Variants in NCOA2 observed in about 807,000 individuals in gnomAD.
The protein encoded by NCOA2 is nuclear receptor coactivator 2.
Under a neutral mutation model 145.1 loss-of-function variants are expected in NCOA2, and 21 were observed. The ratio of observed to expected loss-of-function variants is 0.14; its 90% CI spans 0.10 to 0.21. The LOEUF is 0.21. NCOA2 is among the 10% of genes least tolerant of loss of function. NCOA2 has a pLI of 1.00. For synonymous variants in NCOA2, 619 were observed against 637.5 expected (o/e 0.97, Z 0.44); for missense variants, 1,472 against 1,837.6 (o/e 0.80, Z 3.64).
At chr8:70,221,296 G>A (rs1820113664) in intron 2 of NCOA2, among the ~76,000 whole-genome samples, 1 of 152,102 alleles carries the variant, frequency 6.6e-6, no homozygotes, top group African/African-American at 2.4e-5. Flanking sequence ...ATCTTTTAGA[G>A]CCCACTGTTT....
chr8:70,132,845 C>T (rs1001826803), intron 15 of NCOA2, among the ~76,000 whole-genome samples: 1 of 152,170 alleles, frequency 6.6e-6, no homozygotes, highest in Non-Finnish European at 1.5e-5. Context: ...GGATAACAGG[C>T]GTGAGCTACC....
intron 2 of NCOA2, among the ~76,000 whole-genome samples, chr8:70,247,281 CAG>C (rs1399251410): frequency 6.6e-6 from 1 of 152,066 alleles, no homozygotes; most frequent in African/African-American, 2.4e-5. Flanking sequence ...AAAGTAATTT[CAG>C]AGATGAAGAA....
Position 70,148,465 on chromosome 8 carries a change from T to A in NCOA2, c.2413A>T (p.Asn805Tyr). 1 of 1,613,198 alleles carries A rather than the reference T, an allele frequency of 6.2e-7. No individual in the cohort carries two copies. The highest frequency in any genetic ancestry group is 1.1e-5 in the South Asian group (1 of 91,030). ...AAATCATCCAAAATCTCCTCCAAGT[T>A]GTCCAGCTCACTGCCAGGCTGTAGT... ...PGDQPGSELD[N>Y]LEEILDDLQN... is the part of the protein sequence containing the mutation. The change falls in exon 12 of 23, where the codon AAC (asparagine) becomes TAC (tyrosine). Residue 805 changes from asparagine (N) to tyrosine (Y), a missense_variant. Around this residue, in one of 4 missense-constraint regions of NCOA2, gnomAD observed 953 missense variants for 1,062.1 expected, o/e 0.90. Transcript: ENST00000452400.
At chr8:70,426,323 GAAAC>G in the NCOA2 span, among the ~76,000 whole-genome samples, 2 of 152,066 alleles carry the variant, frequency 1.3e-5, no homozygotes, top group Non-Finnish European at 1.5e-5. Context: ...ATAAAACTAA[GAAAC>G]AAAATAACTG....
intron 2 of NCOA2, among the ~76,000 whole-genome samples, chr8:70,233,425 T>A (rs909738153): frequency 1.3e-5 from 2 of 152,156 alleles, no homozygotes; most frequent in Admixed American, 1.3e-4. Flanking sequence ...CAAAACACCT[T>A]TCCATTTTCA....
intron 2 of NCOA2, among the ~76,000 whole-genome samples, chr8:70,220,129 C>T (rs968148952): frequency 1.9e-4 from 29 of 152,116 alleles, no homozygotes; most frequent in African/African-American, 6.5e-4. Context: ...AATTCATTTC[C>T]AGTGTAAAGG....
At chr8:70,363,925 G>A (rs1311239807) in intron 1 of NCOA2, among the ~76,000 whole-genome samples, 1 of 151,756 alleles carries the variant, frequency 6.6e-6, no homozygotes, top group African/African-American at 2.4e-5. Context: ...AGGAGTGTAT[G>A]GGAAACAAAA....
intron 16 of NCOA2, among the ~76,000 whole-genome samples, chr8:70,129,679 T>C (rs1322293718): frequency 6.6e-6 from 1 of 150,604 alleles, no homozygotes; most frequent in African/African-American, 2.4e-5. Flanking sequence ...ACTCCTGACT[T>C]TTTTTTTTTG....
chr8:70,148,322 A>G lies in NCOA2; in HGVS notation c.2556T>C (p.Pro852=). The G allele has an allele frequency of 6.2e-7, 1 of 1,614,030 alleles. No individual in the cohort carries two copies. The highest frequency in any genetic ancestry group is 8.5e-7 in the Non-Finnish European group (1 of 1,179,878). Residue 852 remains proline (P), a synonymous_variant, in exon 12 of 23, where the codon CCT becomes CCC. Transcript: ENST00000452400. ...DLMQLTAENS[P]VTPVGAQKTA... ...TTTTCTGGGCTCCAACAGGTGTGACAGGGCTGTTTTCAGCTGTGAGTTGCA... is the reference window on the plus strand; with the variant it reads ...TTTTCTGGGCTCCAACAGGTGTGACGGGGCTGTTTTCAGCTGTGAGTTGCA...
chr8:70,414,527 G>A, the NCOA2 span, among the ~76,000 whole-genome samples: 1 of 152,052 alleles, frequency 6.6e-6, no homozygotes, highest in Admixed American at 6.6e-5. Flanking sequence ...TTACCCCAAG[G>A]TGCCCCATCT....
intron 2 of NCOA2, among the ~76,000 whole-genome samples, chr8:70,227,036 CTT>C (rs1197526204): frequency 2.0e-5 from 3 of 152,146 alleles, no homozygotes; most frequent in African/African-American, 7.2e-5. Flanking sequence ...GAAAGTAACA[CTT>C]TTTTAAATGC....
At chr8:70,319,304 G>A (rs1279288213) in intron 1 of NCOA2, among the ~76,000 whole-genome samples, 2 of 152,146 alleles carry the variant, frequency 1.3e-5, no homozygotes, top group East Asian at 1.9e-4. Flanking sequence ...TGCTTTAGGA[G>A]GCTGAGGTGG....
chr8:70,285,105 T>C (rs564808387), intron 2 of NCOA2, among the ~76,000 whole-genome samples: 14 of 152,310 alleles, frequency 9.2e-5, no homozygotes, highest in Non-Finnish European at 1.9e-4. Context: ...TCTTATAATA[T>C]CCTTATATTC....
chr8:70,331,405 G>A (rs1168041659), intron 1 of NCOA2, among the ~76,000 whole-genome samples: 1 of 151,956 alleles, frequency 6.6e-6, no homozygotes, highest in Non-Finnish European at 1.5e-5. Context: ...ATATAAAATG[G>A]TACTACAAAT....
At chr8:70,292,549 G>GAAAAAAAAAAA (rs199760603) in intron 2 of NCOA2, among the ~76,000 whole-genome samples, 1 of 101,424 alleles carries the variant, frequency 9.9e-6, no homozygotes, top group Non-Finnish European at 2.1e-5. Context: ...TCCATCTCAG[G>GAAAAAAAAAAA]AAAAAAAAAA....
chr8:70,134,647 A>G (rs561087153), intron 15 of NCOA2, among the ~76,000 whole-genome samples: 1 of 152,320 alleles, frequency 6.6e-6, no homozygotes, highest in South Asian at 2.1e-4. Context: ...GTGCCTTTGT[A>G]AGACCACTCC....
chr8:70,374,809 AAAG>A (rs1032306012), intron 1 of NCOA2, among the ~76,000 whole-genome samples: 4 of 151,946 alleles, frequency 2.6e-5, no homozygotes, highest in African/African-American at 9.6e-5. Context: ...AAAAAAAAAA[AAAG>A]AAAGAAAAGT....
chr8:70,373,905 A>G (rs185026851), intron 1 of NCOA2, among the ~76,000 whole-genome samples: 1 of 152,316 alleles, frequency 6.6e-6, no homozygotes, highest in African/African-American at 2.4e-5. Context: ...TCATTCTTGA[A>G]GATTTTATAA....
At chr8:70,246,725 C>A (rs969066450) in intron 2 of NCOA2, among the ~76,000 whole-genome samples, 1 of 152,046 alleles carries the variant, frequency 6.6e-6, no homozygotes, top group African/African-American at 2.4e-5. Flanking sequence ...ATTTCCTCCT[C>A]CCCTAGCCCC....
Sources: allele counts gnomAD v4.1 joint callset (sites outside exome capture counted in the v4.1 genomes callset), GRCh38; gene constraint gnomAD v4.1.1; regional missense constraint gnomAD v4.1.1; transcripts MANE v1.5; gene names NCBI Gene and HGNC (gene_info 2026-07-23, HGNC 2026-07-21).